Variants in BICC1 observed in about 807,000 individuals in gnomAD.
BICC1 encodes the protein protein bicaudal C homolog 1.
A neutral mutation model predicts 111.0 loss-of-function variants in BICC1; 43 were observed. The observed-to-expected ratio is 0.39, with a 90% CI of 0.30 to 0.50. The LOEUF (loss-of-function observed/expected upper bound fraction) is 0.50. Among genes scored for constraint, BICC1 ranks in the 20% least tolerant of loss-of-function variants. The pLI, the probability that BICC1 is intolerant of heterozygous loss-of-function variation, is 0.88. For synonymous variants in BICC1, 467 were observed against 434.4 expected, an observed-to-expected ratio of 1.07 and a Z score of -0.93; for missense variants, 1,091 against 1,203.2, an observed-to-expected ratio of 0.91 and a Z score of 1.38.
At chr10:58,583,641 TACC>T (rs1169719299) in intron 1 of BICC1, among the ~76,000 whole-genome samples, 2 of 147,638 alleles carry the variant, frequency 1.4e-5, no homozygotes, top group African/African-American at 2.5e-5. Context: ...TACACACACA[TACC>T]ACATTTTCTT....
Position 58,803,137 on chromosome 10 carries a change from C to T in BICC1, c.2076C>T (p.Asp692=). ...GTGCTACCGAAAGCCCTTTGGCTGA[C>T]AAGAAGGCTCCAGGGAGTGAGCGCG... ...ELSATESPLA[D]KKAPGSERAA... The change falls in exon 15 of 21, where the codon GAC becomes GAT. Residue 692 remains aspartate (D), a synonymous_variant. Transcript: ENST00000373886. 1 of 1,610,558 alleles carries T rather than the reference C, an allele frequency of 6.2e-7. No homozygotes were observed. Among genetic ancestry groups the T allele is most frequent in the Non-Finnish European group, 8.5e-7 (1 of 1,178,290 alleles).
At chr10:58,628,580 A>G (rs1349307807) in intron 2 of BICC1, among the ~76,000 whole-genome samples, 2 of 152,002 alleles carry the variant, frequency 1.3e-5, no homozygotes, top group Non-Finnish European at 2.9e-5. Flanking sequence ...TAGTTTTCAG[A>G]CCCTTATCAT....
At chr10:58,695,223 C>T (rs1392872242) in intron 2 of BICC1, among the ~76,000 whole-genome samples, 3 of 152,118 alleles carry the variant, frequency 2.0e-5, no homozygotes, top group Non-Finnish European at 4.4e-5. Flanking sequence ...TAAACATCCT[C>T]AGCTTTTAGA....
At chr10:58,546,046 G>A (rs140211480) in intron 1 of BICC1, among the ~76,000 whole-genome samples, 193 of 152,232 alleles carry the variant, frequency 1.3e-3, no homozygotes, top group Middle Eastern at 0.01. Context: ...CCGGAATTAA[G>A]CAATGAATGC....
intron 3 of BICC1, among the ~76,000 whole-genome samples, chr10:58,770,428 T>C (rs1842592819): frequency 6.6e-6 from 1 of 152,152 alleles, no homozygotes; most frequent in South Asian, 2.1e-4. Context: ...TTGTACATTC[T>C]TAATACTCCT....
chr10:58,626,061 T>C (rs1410322958), intron 2 of BICC1, among the ~76,000 whole-genome samples: 1 of 152,208 alleles, frequency 6.6e-6, no homozygotes, highest in Non-Finnish European at 1.5e-5. Context: ...AAAGCTTTAA[T>C]TTTAGTATTT....
intron 1 of BICC1, among the ~76,000 whole-genome samples, chr10:58,529,794 C>T (rs2131849699): frequency 6.6e-6 from 1 of 151,828 alleles, no homozygotes; most frequent in South Asian, 2.1e-4. Flanking sequence ...GAAAGATCAC[C>T]TTCAAAAATA....
chr10:58,787,089 G>C lies in BICC1; in HGVS notation c.546+8G>C. The stretch of plus-strand genomic sequence containing the variant: ...GCAGAAAAAAGCAACCAGGTGGTTT[G>C]TCTTTTCACATGAACTTTTATGGGA... On this transcript the variant is annotated splice_region_variant and intron_variant, in intron 5 of 20. Coordinates refer to ENST00000373886, the MANE Select transcript of BICC1 (RefSeq NM_001080512.3). The C allele has an allele frequency of 6.4e-7, 1 of 1,561,676 alleles. No individual in the cohort carries two copies. Among genetic ancestry groups the C allele is most frequent in the Non-Finnish European group, 8.6e-7 (1 of 1,160,158 alleles).
At chr10:58,605,224 G>T (rs1425978430) in intron 1 of BICC1, among the ~76,000 whole-genome samples, 1 of 152,064 alleles carries the variant, frequency 6.6e-6, no homozygotes, top group Non-Finnish European at 1.5e-5. Context: ...TATACGCATA[G>T]TTTAAAAATG....
At chr10:58,544,875 G>C (rs1473558623) in intron 1 of BICC1, among the ~76,000 whole-genome samples, 1 of 151,988 alleles carries the variant, frequency 6.6e-6, no homozygotes, top group Non-Finnish European at 1.5e-5. Context: ...CATTAGGTTG[G>C]GTTCTAATCT....
At chr10:58,633,268 C>T (rs1837854006) in intron 2 of BICC1, among the ~76,000 whole-genome samples, 1 of 152,192 alleles carries the variant, frequency 6.6e-6, no homozygotes, top group Non-Finnish European at 1.5e-5. Context: ...GCCAATTAAA[C>T]CTCTTTCTTT....
chr10:58,683,097 A>C (rs970744985), intron 2 of BICC1, among the ~76,000 whole-genome samples: 1 of 152,206 alleles, frequency 6.6e-6, no homozygotes, highest in Non-Finnish European at 1.5e-5. Context: ...AGCTTTCTAC[A>C]TATGGCTAGC....
At chr10:58,557,515 C>G (rs1843486397) in intron 1 of BICC1, among the ~76,000 whole-genome samples, 1 of 151,832 alleles carries the variant, frequency 6.6e-6, no homozygotes, top group Non-Finnish European at 1.5e-5. Context: ...GATGTTGTTC[C>G]ACAGCTTATT....
intron 1 of BICC1, among the ~76,000 whole-genome samples, chr10:58,604,621 G>T (rs1224892976): frequency 6.6e-6 from 1 of 152,062 alleles, no homozygotes; most frequent in African/African-American, 2.4e-5. Context: ...AGATCACGCC[G>T]CTGCACTCCA....
chr10:58,664,442 G>A (rs1239301627), intron 2 of BICC1, among the ~76,000 whole-genome samples: 1 of 140,810 alleles, frequency 7.1e-6, no homozygotes, highest in Non-Finnish European at 1.6e-5. Flanking sequence ...ATAAGATATA[G>A]GTTTTGTAAA....
At chr10:58,768,707 G>A (rs374213408) in intron 3 of BICC1, among the ~76,000 whole-genome samples, 13 of 151,924 alleles carry the variant, frequency 8.6e-5, no homozygotes, top group African/African-American at 1.9e-4. Flanking sequence ...AAAATGGGGA[G>A]TAAAAGTGTA....
intron 1 of BICC1, among the ~76,000 whole-genome samples, chr10:58,536,497 T>C (rs995259683): frequency 1.3e-5 from 2 of 151,822 alleles, no homozygotes; most frequent in South Asian, 2.1e-4. Flanking sequence ...AAGATGAAAA[T>C]TGAAAAATTT....
chr10:58,631,350 G>T (rs1015680895), intron 2 of BICC1, among the ~76,000 whole-genome samples: 1 of 151,972 alleles, frequency 6.6e-6, no homozygotes, highest in Non-Finnish European at 1.5e-5. Flanking sequence ...ATGTTTAACA[G>T]TTGCGGCTTG....
At chr10:58,557,489 AT>A (rs1843485476) in intron 1 of BICC1, among the ~76,000 whole-genome samples, 2 of 152,032 alleles carry the variant, frequency 1.3e-5, no homozygotes, top group Non-Finnish European at 2.9e-5. Flanking sequence ...CCAATTACAC[AT>A]ATATTCGACT....
Sources: allele counts gnomAD v4.1 joint callset (sites outside exome capture counted in the v4.1 genomes callset), GRCh38; gene constraint gnomAD v4.1.1; transcripts MANE v1.5; gene names NCBI Gene and HGNC (gene_info 2026-07-23, HGNC 2026-07-21).